TAB2: variants seen among roughly 807,000 people sequenced by gnomAD.
TAB2 encodes the protein TGF-beta activated kinase 1 (MAP3K7) binding protein 2.
Under a neutral mutation model 65.0 loss-of-function variants are expected in TAB2, and 3 were observed. That is an observed-to-expected ratio of 0.05 (90% CI 0.02 to 0.12). The LOEUF (loss-of-function observed/expected upper bound fraction) is 0.12. Ranked by LOEUF, TAB2 falls within the 10% of genes least tolerant of loss-of-function variation. The pLI is 1.00. For synonymous variants in TAB2, 298 were observed against 285.1 expected (o/e 1.05, Z -0.46); for missense variants, 623 against 840.3 (o/e 0.74, Z 3.20).
chr6:149,223,960 T>C (rs1457039909), intron 1 of TAB2, among the ~76,000 whole-genome samples: 1 of 152,068 alleles, frequency 6.6e-6, no homozygotes, highest in Non-Finnish European at 1.5e-5. Flanking sequence ...ATGCTGAAAT[T>C]AGGCACCACA....
intron 2 of TAB2, among the ~76,000 whole-genome samples, chr6:149,372,618 C>G (rs1781267382): frequency 1.3e-5 from 2 of 152,046 alleles, no homozygotes; most frequent in Non-Finnish European, 2.9e-5. Flanking sequence ...AGCATGCTTC[C>G]CAACACCTGG....
chr6:149,370,339 T>C (rs769132809), intron 2 of TAB2, among the ~76,000 whole-genome samples: 4 of 152,216 alleles, frequency 2.6e-5, no homozygotes, highest in African/African-American at 4.8e-5. Context: ...GATCTGAATG[T>C]AAAGCATTGA....
At chr6:149,339,599 TTA>T (rs1403224484) in intron 1 of TAB2, among the ~76,000 whole-genome samples, 8 of 54,760 alleles carry the variant, frequency 1.5e-4, no homozygotes, top group African/African-American at 5.1e-4. Context: ...ATTTATTTAT[TTA>T]TTTATTTTTT....
chr6:149,396,700 T>C (rs1782183615), intron 3 of TAB2, among the ~76,000 whole-genome samples: 1 of 152,250 alleles, frequency 6.6e-6, no homozygotes, highest in Non-Finnish European at 1.5e-5. Flanking sequence ...TAGTTCATGC[T>C]GCAGGATTGA....
At chr6:149,316,048 T>G (rs1451630719), upstream of TAB2, among the ~76,000 whole-genome samples, 1 of 152,244 alleles carries the variant, frequency 6.6e-6, no homozygotes, top group African/African-American at 2.4e-5. Context: ...GGATTCAGTT[T>G]ATCTAAAATT....
chr6:149,218,847 ACTT>A (rs1777078789), intron 1 of TAB2: 1 of 449,722 alleles, frequency 2.2e-6, no homozygotes, highest in African/African-American at 2.0e-5. Context: ...GTCTGTTTGA[ACTT>A]CTGTAGAAAT....
intron 6 of TAB2, 134 bp from the exon 7 acceptor site, chr6:149,409,443 C>T: frequency 1.3e-6 from 1 of 744,624 alleles, no homozygotes; most frequent in Non-Finnish European, 2.3e-6. Flanking sequence ...GCATGTGTGT[C>T]AGTGTCAGCT....
intron 1 of TAB2, chr6:149,291,236 C>G (rs1279740580): frequency 2.0e-5 from 3 of 152,180 alleles, no homozygotes; most frequent in African/African-American, 7.2e-5. Context: ...TCCAAGATTG[C>G]TGAATTTCAA....
intron 1 of TAB2, among the ~76,000 whole-genome samples, chr6:149,291,125 T>A (rs1038343443): frequency 2.0e-5 from 3 of 152,198 alleles, no homozygotes; most frequent in African/African-American, 7.2e-5. Flanking sequence ...AAGCCCTGAG[T>A]TCCTGCTTTA....
intron 1 of TAB2, among the ~76,000 whole-genome samples, chr6:149,323,373 A>G (rs556772954): frequency 1.3e-5 from 2 of 152,206 alleles, no homozygotes; most frequent in African/African-American, 2.4e-5. Flanking sequence ...GCAGTTTTTA[A>G]AAGAGTAGAA....
At chr6:149,324,982 A>G (rs145805776) in intron 1 of TAB2, among the ~76,000 whole-genome samples, 20 of 152,186 alleles carry the variant, frequency 1.3e-4, no homozygotes, top group Non-Finnish European at 2.5e-4. Context: ...AATTTTTTAT[A>G]GAGACAGGAT....
intron 1 of TAB2, among the ~76,000 whole-genome samples, chr6:149,359,751 TG>T (rs1241872768): frequency 6.6e-6 from 1 of 152,210 alleles, no homozygotes; most frequent in African/African-American, 2.4e-5. Flanking sequence ...ATTCTGTCTT[TG>T]TTTCTGGCAC....
At chr6:149,295,279 T>A (rs1205078063) in intron 1 of TAB2, among the ~76,000 whole-genome samples, 1 of 152,230 alleles carries the variant, frequency 6.6e-6, no homozygotes, top group Non-Finnish European at 1.5e-5. Flanking sequence ...GTACTAAGAC[T>A]TCTTTTGTCA....
intron 1 of TAB2, among the ~76,000 whole-genome samples, chr6:149,228,640 C>A (rs943873053): frequency 6.6e-6 from 1 of 152,232 alleles, no homozygotes; most frequent in Non-Finnish European, 1.5e-5. Flanking sequence ...AGCCCCCTAA[C>A]GATTCAGGCA....
chr6:149,370,264 C>A (rs531065821), intron 2 of TAB2, among the ~76,000 whole-genome samples, 165 bp downstream of exon 2: 4 of 152,254 alleles, frequency 2.6e-5, no homozygotes, highest in African/African-American at 9.6e-5. Context: ...CAAGATGGAG[C>A]TTTCTGTACC....
chr6:149,317,892 G>A lies in TAB2; in HGVS notation c.-213G>A, dbSNP rs1484043996. ...GTGTCCCCCCTGCCGGGTGGAACCG[G>A]AGGCGGCGGCGGCGCTGGCGGCGGC... On this transcript the variant is annotated 5_prime_UTR_variant, in exon 1 of 7. Coordinates refer to ENST00000637181, the MANE Select transcript of TAB2 (RefSeq NM_001292034.3). The surrounding 1 kb of genome is among the most constrained non-coding windows in gnomAD (Gnocchi z 4.7). The A allele has an allele frequency of 5.8e-6, 1 of 172,992 alleles. No homozygotes were observed. The highest frequency in any genetic ancestry group is 1.2e-5 in the Non-Finnish European group (1 of 82,010). The allele number at this position is 172,992 out of a possible 1,614,324, so 10.7% of individuals were successfully genotyped here. A position where few individuals can be genotyped will look rare whatever the true frequency, so the allele number is the denominator to read the frequency against.
chr6:149,280,737 T>C (rs1173614695), intron 1 of TAB2, among the ~76,000 whole-genome samples: 2 of 151,946 alleles, frequency 1.3e-5, no homozygotes, highest in Non-Finnish European at 2.9e-5. Flanking sequence ...GCCCAGGAGT[T>C]TGAGACCACC....
chr6:149,354,801 G>A (rs1583116281), intron 1 of TAB2, among the ~76,000 whole-genome samples: 1 of 152,264 alleles, frequency 6.6e-6, no homozygotes, highest in African/African-American at 2.4e-5. Context: ...TTTAATGGCT[G>A]TATAGTACAT....
chr6:149,247,939 T>TA (rs1260950207), intron 1 of TAB2: 1 of 152,132 alleles, frequency 6.6e-6, no homozygotes, highest in African/African-American at 2.4e-5. Flanking sequence ...GGGAGAACAT[T>TA]AGGACAAATA....
Sources: allele counts gnomAD v4.1 joint callset (sites outside exome capture counted in the v4.1 genomes callset), GRCh38; gene constraint gnomAD v4.1.1; non-coding constraint Gnocchi (gnomAD v3.1); transcripts MANE v1.5; gene names NCBI Gene and HGNC (gene_info 2026-07-23, HGNC 2026-07-21).